Variants in ANAPC2 observed in about 807,000 individuals in gnomAD.
ANAPC2 encodes anaphase-promoting complex subunit 2.
In ANAPC2, 29 loss-of-function variants were observed where a neutral mutation model predicts 84.3. That is an observed-to-expected ratio of 0.34 (90% confidence interval 0.26 to 0.47). ANAPC2 has a LOEUF of 0.47. ANAPC2 is among the 20% of genes least tolerant of loss of function. ANAPC2 has a pLI of 1.00. For synonymous variants in ANAPC2, 571 were observed against 479.4 expected (o/e 1.19, Z -2.50); for missense variants, 857 against 1,131.7 (o/e 0.76, Z 3.48).
intron 10 of ANAPC2, among the ~76,000 whole-genome samples, chr9:137,177,243 G>T (rs898684474): frequency 2.0e-5 from 3 of 152,248 alleles, no homozygotes; most frequent in African/African-American, 7.2e-5. Flanking sequence ...GGCTGACGGA[G>T]CAGGGGGCCA....
In ANAPC2 at chr9:137,186,343, G is replaced by A. The variant is rs758082992; in HGVS notation, c.754C>T (p.Leu252=). 5 of 1,606,276 alleles carry A rather than the reference G, an allele frequency of 3.1e-6. No homozygotes were observed. The highest frequency in any genetic ancestry group is 4.2e-6 in the Non-Finnish European group (5 of 1,177,696). ...GCCTCGGCACTGACCCGCTCCAGCA[G>A]ACTGAGCCTGTGTCTAGAGGAGAGC... ...QLSQVLHRLS[L]LERVSAEAVT... is the part of the protein sequence containing the mutation. Residue 252 remains leucine (L), a synonymous_variant, in exon 3 of 13, where the codon CTG becomes TTG. Transcript: ENST00000323927.
intron 10 of ANAPC2, among the ~76,000 whole-genome samples, chr9:137,177,958 G>A (rs1015869011): frequency 3.3e-5 from 5 of 152,106 alleles, no homozygotes; most frequent in South Asian, 2.1e-4. Flanking sequence ...GCCTTCGGAG[G>A]GCCCTGCTGA....
At chr9:137,177,435 G>T (rs551420828) in intron 10 of ANAPC2, among the ~76,000 whole-genome samples, 41 of 152,104 alleles carry the variant, frequency 2.7e-4, no homozygotes, top group African/African-American at 8.9e-4. Flanking sequence ...GGAATGGCGC[G>T]CACTCCAGCC....
At chr9:137,180,586 T>G in intron 8 of ANAPC2, 59 bp from the exon 9 acceptor site, 2 of 1,607,402 alleles carry the variant, frequency 1.2e-6, no homozygotes, top group Non-Finnish European at 1.7e-6. Flanking sequence ...AAGGAGCACC[T>G]GTGGCAGGGC....
intron 10 of ANAPC2, chr9:137,176,188 G>T: frequency 5.3e-6 from 1 of 189,118 alleles, no homozygotes. Flanking sequence ...AGGAAAGATA[G>T]GAAGACACAG....
Position 137,180,801 on chromosome 9 carries a change from A to C in ANAPC2, c.1597T>G (p.Phe533Val). 1 of 1,611,842 alleles carries C rather than the reference A, an allele frequency of 6.2e-7. No homozygotes were observed. Among genetic ancestry groups the C allele is most frequent in the Non-Finnish European group, 8.5e-7 (1 of 1,179,836 alleles). ...CACAGGCCTCACCGCTCGGGGCTGA[A>C]GCTGAACTGGTGCAGCAGGCGGTCG... ...LADRLLHQFSFSPEREIRNVE... is the reference protein window; with the variant it reads ...LADRLLHQFSVSPEREIRNVE... The change falls in exon 8 of 13, where the codon TTC becomes GTC. Residue 533 changes from phenylalanine to valine, a missense_variant. Physicochemically the swap from Phe to Val is conservative, Grantham distance 50 (BLOSUM62 -1). This residue lies in a region of ANAPC2 where 425 missense variants were observed against 595.5 expected (regional missense o/e 0.71). Coordinates refer to ENST00000323927, the MANE Select transcript of ANAPC2 (RefSeq NM_013366.4).
At chr9:137,188,151 G>C in intron 1 of ANAPC2, 48 bp from the exon 2 acceptor site, 12 of 1,572,352 alleles carry the variant, frequency 7.6e-6, no homozygotes, top group Non-Finnish European at 9.5e-6. Context: ...CATAGAGGTG[G>C]GGAGAGGCGG....
At chr9:137,183,312 G>A in intron 5 of ANAPC2, 70 bp from the exon 6 acceptor site, 1 of 1,302,716 alleles carries the variant, frequency 7.7e-7, no homozygotes, top group Admixed American at 1.7e-5. Flanking sequence ...CAACACCCGA[G>A]TAGACAGCTG....
chr9:137,182,126 G>A (rs930372338), intron 6 of ANAPC2, among the ~76,000 whole-genome samples: 1 of 152,184 alleles, frequency 6.6e-6, no homozygotes, highest in Admixed American at 6.5e-5. Flanking sequence ...TAAGCCAGAA[G>A]ACCTAAGCCC....
Position 137,185,002 on chromosome 9 carries a change from G to C in ANAPC2, c.959C>G (p.Thr320Ser). 1.2e-6 allele frequency: 2 copies of C among 1,608,636 alleles called. No individual in the cohort carries two copies. Among genetic ancestry groups the C allele is most frequent in the Non-Finnish European group, 1.7e-6 (2 of 1,178,260 alleles). The change falls in exon 4 of 13, where the codon ACC becomes AGC. Residue 320 changes from threonine to serine, a missense_variant. Coordinates refer to ENST00000323927, the MANE Select transcript of ANAPC2 (RefSeq NM_013366.4). ...ARPASPEAGN[T>S]LRRWRCHVQR... ...CACGTGGCAGCGCCAGCGGCGCAGG[G>C]TGTTGCCGGCCTCGGGAGATGCGGG...
chr9:137,180,263 G>A lies in ANAPC2; in HGVS notation c.1808C>T (p.Pro603Leu). ...GACCTCCAGCTTCTCGTCCTTGAAG[G>A]GCGGCCAGAACTCACTGGACAGGAT... ...AVILSSEFWPPFKDEKLEVPE... is the reference protein window; with the variant it reads ...AVILSSEFWPLFKDEKLEVPE... The change falls in exon 10 of 13, where the codon CCC becomes CTC. Residue 603 changes from proline (P) to leucine (L), a missense_variant. This residue lies in a region of ANAPC2 where 425 missense variants were observed against 595.5 expected (regional missense o/e 0.71). Transcript: ENST00000323927. 6.2e-7 allele frequency: 1 copy of A among 1,613,774 alleles called. No individual in the cohort carries two copies. The highest frequency in any genetic ancestry group is 1.1e-5 in the South Asian group (1 of 91,088).
chr9:137,179,236 G>A (rs777333464), intron 10 of ANAPC2, among the ~76,000 whole-genome samples: 30 of 152,120 alleles, frequency 2.0e-4, no homozygotes, highest in Admixed American at 6.5e-4. Flanking sequence ...TGGGGTGCCC[G>A]CCTCCCCCCA....
chr9:137,180,584 C>A lies in ANAPC2; in HGVS notation c.1611-57G>T. ...TGATGAGCCCCAGCCCCAAGGAGCA[C>A]CTGTGGCAGGGCACGGGGGTGCCCC... On this transcript the variant is annotated intron_variant, in intron 8 of 12. Transcript: ENST00000323927. The A allele has an allele frequency of 5.6e-6, 9 of 1,608,996 alleles. No individual in the cohort carries two copies. The Admixed American group carries it at 6.7e-5, about 12-fold the overall frequency.
chr9:137,180,395 G>C lies in ANAPC2; in HGVS notation c.1687-11C>G, dbSNP rs1241640527. 1 of 1,612,462 alleles carries C rather than the reference G, an allele frequency of 6.2e-7. No individual in the cohort carries two copies. The highest frequency in any genetic ancestry group is 1.7e-5 in the Admixed American group (1 of 60,006). ...GGAGTCCGCCATGTCCTGAGGAGGA[G>C]CCGGTGTCACGGGGGACCTGCGGGG... is the stretch of plus-strand genomic sequence containing the variant. On this transcript the variant is annotated splice_polypyrimidine_tract_variant and intron_variant, in intron 9 of 12. Coordinates refer to ENST00000323927, the MANE Select transcript of ANAPC2 (RefSeq NM_013366.4).
Position 137,185,019 on chromosome 9 carries a change from A to T in ANAPC2, c.942T>A (p.Ser314=). The change falls in exon 4 of 13, where the codon TCT becomes TCA. Residue 314 remains serine (S), a synonymous_variant. Coordinates refer to ENST00000323927, the MANE Select transcript of ANAPC2 (RefSeq NM_013366.4). ...FLQDGPARPA[S]PEAGNTLRRW... Reference sequence around the variant, plus strand: ...GGCGCAGGGTGTTGCCGGCCTCGGGAGATGCGGGCCTGGCGGGGCCGTCCT... The same window carrying T: ...GGCGCAGGGTGTTGCCGGCCTCGGGTGATGCGGGCCTGGCGGGGCCGTCCT... 1 of 1,601,640 alleles carries T rather than the reference A, an allele frequency of 6.2e-7. No individual in the cohort carries two copies. The highest frequency in any genetic ancestry group is 1.1e-5 in the South Asian group (1 of 89,248).
chr9:137,181,552 C>T, intron 7 of ANAPC2, 129 bp downstream of exon 7: 5 of 1,084,766 alleles, frequency 4.6e-6, no homozygotes, highest in South Asian at 3.7e-5. Flanking sequence ...CCTTTGACAC[C>T]CTCAAGCCTC....
intron 2 of ANAPC2, chr9:137,186,909 C>T (rs1834483853): frequency 6.0e-6 from 1 of 167,006 alleles, no homozygotes; most frequent in African/African-American, 2.4e-5. Context: ...CTTTAGTCCA[C>T]CTAAGACCTC....
chr9:137,179,315 C>T lies in ANAPC2; in HGVS notation c.1890+866G>A, dbSNP rs1393930479. Reference sequence around the variant, plus strand: ...ACACATCAGACAGAAAGCCCTGGAACCCGCCTGTGACGACCATCCCGACCC... The same window carrying T: ...ACACATCAGACAGAAAGCCCTGGAATCCGCCTGTGACGACCATCCCGACCC... On this transcript the variant is annotated intron_variant, in intron 10 of 12. Transcript: ENST00000323927. Among the ~76,000 whole-genome samples, 3 of 152,162 alleles carry T rather than the reference C, an allele frequency of 2.0e-5. No individual in the cohort carries two copies. In the East Asian group the frequency reaches 5.8e-4, roughly 29 times the overall value.
At chr9:137,175,943 C>A (rs919122079) in intron 10 of ANAPC2, 106 bp from the exon 11 acceptor site, 35 of 1,393,106 alleles carry the variant, frequency 2.5e-5, no homozygotes, top group Non-Finnish European at 3.2e-5. Flanking sequence ...AGCCACCTGC[C>A]CCACCCCACC....
Sources: allele counts gnomAD v4.1 joint callset (sites outside exome capture counted in the v4.1 genomes callset), GRCh38; gene constraint gnomAD v4.1.1; regional missense constraint gnomAD v4.1.1; transcripts MANE v1.5; gene names NCBI Gene and HGNC (gene_info 2026-07-23, HGNC 2026-07-21).